Variants in DOK5 observed in about 807,000 individuals in gnomAD.
The protein encoded by DOK5 is docking protein 5.
DOK5 carries 27 observed loss-of-function variants against 43.3 expected under a neutral mutation model. The ratio of observed to expected loss-of-function variants is 0.62; its 90% CI spans 0.46 to 0.86. DOK5 has a LOEUF of 0.86. Ranked by LOEUF, DOK5 falls within the 40% of genes least tolerant of loss-of-function variation. The probability of loss-of-function intolerance (pLI) is 0.00; values close to 1 mark genes in which losing one functional copy is unlikely to be tolerated. For synonymous variants in DOK5, 146 were observed against 140.1 expected (o/e 1.04, Z -0.30); for missense variants, 373 against 392.9 (o/e 0.95, Z 0.43).
chr20:54,515,017 A>AT (rs573019374), intron 1 of DOK5, among the ~76,000 whole-genome samples: 25 of 148,614 alleles, frequency 1.7e-4, no homozygotes, highest in Non-Finnish European at 3.0e-4. Context: ...ATTAGTTATA[A>AT]TTTTTTTTTT....
intron 1 of DOK5, among the ~76,000 whole-genome samples, chr20:54,512,456 C>G (rs562634869): frequency 1.3e-5 from 2 of 151,954 alleles, no homozygotes; most frequent in Non-Finnish European, 2.9e-5. Context: ...ATTTTTTTCT[C>G]ATATTGGGGG....
intron 1 of DOK5, among the ~76,000 whole-genome samples, chr20:54,546,464 ATGTATACATGTGCCATG>A (rs372393512): frequency 1.5e-3 from 226 of 152,156 alleles, no homozygotes; most frequent in African/African-American, 5.1e-3. Flanking sequence ...TTTGTTACAT[ATGTATACATGTGCCATG>A]TTGGTGTGCT....
chr20:54,536,884 C>G lies in DOK5; in HGVS notation c.67-18049C>G, dbSNP rs796196601. On this transcript the variant is annotated intron_variant, in intron 1 of 7. Coordinates refer to ENST00000262593, the MANE Select transcript of DOK5 (RefSeq NM_018431.5). ...AGCTCAGACTCTCATCCACACCCATCAGTAACAAGTCCTCCACACCATGGT... is the reference window on the plus strand; with the variant it reads ...AGCTCAGACTCTCATCCACACCCATGAGTAACAAGTCCTCCACACCATGGT... Among the ~76,000 whole-genome samples the G allele has an allele frequency of 5.3e-5, 8 of 152,316 alleles. 1 individual carries two copies. The highest frequency in any genetic ancestry group is 1.9e-4 in the African/African-American group (8 of 41,562).
chr20:54,610,460 C>T lies in DOK5; in HGVS notation c.672C>T (p.His224=). The change falls in exon 6 of 8, where the codon CAC becomes CAT. Residue 224 remains histidine (H), a synonymous_variant. Transcript: ENST00000262593. ...GGGAGGCCATCTATCAGAAAGTCCA[C>T]TCTGCTGCCTTGGCCATAGCCGAGC... ...RDGEAIYQKV[H]SAALAIAEQH... is the part of the protein sequence containing the mutation. 1.3e-6 allele frequency: 2 copies of T among 1,592,322 alleles called. No individual in the cohort carries two copies. The highest frequency in any genetic ancestry group is 8.6e-7 in the Non-Finnish European group (1 of 1,169,496).
rs973360911 is a variant in DOK5 at position 54,610,482 on chromosome 20, G to A, written c.694G>A (p.Glu232Lys). ...KVHSAALAIA[E>K]QHERLLQSVK... Reference sequence around the variant, plus strand: ...CCACTCTGCTGCCTTGGCCATAGCCGAGCAGCACGAGCGCTTGCTACAGAG... The same window carrying A: ...CCACTCTGCTGCCTTGGCCATAGCCAAGCAGCACGAGCGCTTGCTACAGAG... Residue 232 changes from glutamate (E) to lysine (K), a missense_variant, in exon 6 of 8, where the codon GAG (glutamate) becomes AAG (lysine). Physicochemically the swap from Glu to Lys is moderately conservative, Grantham distance 56 (BLOSUM62 1). Coordinates refer to ENST00000262593, the MANE Select transcript of DOK5 (RefSeq NM_018431.5). The A allele has an allele frequency of 8.3e-6, 13 of 1,567,498 alleles. No individual in the cohort carries two copies. The highest frequency in any genetic ancestry group is 1.4e-5 in the African/African-American group (1 of 72,936).
chr20:54,550,299 A>G (rs909313662), intron 1 of DOK5, among the ~76,000 whole-genome samples: 1 of 152,212 alleles, frequency 6.6e-6, no homozygotes, highest in Non-Finnish European at 1.5e-5. Flanking sequence ...AAATTTAATT[A>G]AACATTCTAT....
chr20:54,586,130 C>A lies in DOK5; in HGVS notation c.175-2353C>A, dbSNP rs145861577. Among the ~76,000 whole-genome samples the A allele has an allele frequency of 7.9e-5, 12 of 152,194 alleles. No individual in the cohort carries two copies. The East Asian group carries it at 2.3e-3, about 29-fold the overall frequency. Reference sequence around the variant, plus strand: ...TCTCAAACAACAACAATAAACTAGGCACGTTATGTGGCATATGTGTGGGGA... The same window carrying A: ...TCTCAAACAACAACAATAAACTAGGAACGTTATGTGGCATATGTGTGGGGA... On this transcript the variant is annotated intron_variant, in intron 2 of 7. Coordinates refer to ENST00000262593, the MANE Select transcript of DOK5 (RefSeq NM_018431.5).
intron 1 of DOK5, among the ~76,000 whole-genome samples, chr20:54,486,759 C>T (rs747230723): frequency 7.2e-5 from 11 of 152,022 alleles, no homozygotes; most frequent in South Asian, 2.1e-4. Flanking sequence ...GGATAATATA[C>T]GAAAGATGAA....
intron 1 of DOK5, among the ~76,000 whole-genome samples, chr20:54,548,535 C>G (rs1267367238): frequency 6.6e-6 from 1 of 152,058 alleles, no homozygotes; most frequent in Non-Finnish European, 1.5e-5. Context: ...CTGCACCCAG[C>G]CAGGATTAAC....
At chr20:54,481,786 CT>C (rs1381337668) in intron 1 of DOK5, among the ~76,000 whole-genome samples, 2 of 152,186 alleles carry the variant, frequency 1.3e-5, no homozygotes, top group African/African-American at 4.8e-5. Flanking sequence ...AACTCACTGG[CT>C]GGTTATGTGA....
chr20:54,591,777 A>C lies in DOK5; in HGVS notation c.571A>C (p.Thr191Pro), dbSNP rs770109660. 1 of 1,612,766 alleles carries C rather than the reference A, an allele frequency of 6.2e-7. No individual in the cohort carries two copies. Among genetic ancestry groups the C allele is most frequent in the African/African-American group, 1.3e-5 (1 of 74,906 alleles). ...LSALRRYGRD[T>P]TWFTFEAGRM... Reference sequence around the variant, plus strand: ...CGCCCTGCGGCGGTATGGACGTGATACTACGTGGTTCACTTTTGAGGCAGG... The same window carrying C: ...CGCCCTGCGGCGGTATGGACGTGATCCTACGTGGTTCACTTTTGAGGCAGG... Residue 191 changes from threonine to proline, a missense_variant, in exon 5 of 8, where the codon ACT becomes CCT. Coordinates refer to ENST00000262593, the MANE Select transcript of DOK5 (RefSeq NM_018431.5).
intron 1 of DOK5, among the ~76,000 whole-genome samples, chr20:54,519,168 A>G (rs1983305416): frequency 6.6e-6 from 1 of 152,228 alleles, no homozygotes; most frequent in South Asian, 2.1e-4. Context: ...CTAATGCTCC[A>G]ACATAAGTTT....
chr20:54,636,352 T>C (rs1978823498), intron 6 of DOK5, among the ~76,000 whole-genome samples: 1 of 152,346 alleles, frequency 6.6e-6, no homozygotes, highest in African/African-American at 2.4e-5. Flanking sequence ...GATTTAGATG[T>C]AGTTTAAAAA....
At chr20:54,600,231 G>T (rs1986263663) in intron 5 of DOK5, among the ~76,000 whole-genome samples, 1 of 152,086 alleles carries the variant, frequency 6.6e-6, no homozygotes, top group African/African-American at 2.4e-5. Flanking sequence ...GATGCAGCGG[G>T]GTCAGGCCAT....
chr20:54,553,555 T>A (rs1290600521), intron 1 of DOK5, among the ~76,000 whole-genome samples: 1 of 151,378 alleles, frequency 6.6e-6, no homozygotes, highest in Non-Finnish European at 1.5e-5. Flanking sequence ...ACCAGTCGAG[T>A]ATAATAGTGC....
chr20:54,571,926 T>C (rs1252535014), intron 2 of DOK5, among the ~76,000 whole-genome samples: 1 of 152,186 alleles, frequency 6.6e-6, no homozygotes, highest in East Asian at 1.9e-4. Flanking sequence ...TGCACACGTG[T>C]AGTTTCTTTT....
At chr20:54,567,079 GTA>G (rs1449953159) in intron 2 of DOK5, among the ~76,000 whole-genome samples, 3 of 151,912 alleles carry the variant, frequency 2.0e-5, no homozygotes, top group Admixed American at 2.0e-4. Context: ...GTGTATGTGT[GTA>G]TATATATGTG....
chr20:54,526,133 G>A (rs1983566568), intron 1 of DOK5, among the ~76,000 whole-genome samples: 1 of 141,024 alleles, frequency 7.1e-6, no homozygotes, highest in Non-Finnish European at 1.5e-5. Context: ...AGTAAACCAA[G>A]ATTTTTCTTT....
Position 54,551,616 on chromosome 20 carries a change from C to G in DOK5, c.67-3317C>G, listed in dbSNP as rs151185464. On this transcript the variant is annotated intron_variant, in intron 1 of 7. Transcript: ENST00000262593. ...TTTAAGTCGACGATTTTTCCACCCC[C>G]CTCCATGGATGTCCAATTGCCTCAG... 2.7e-3 allele frequency among the ~76,000 whole-genome samples: 416 copies of G among 152,240 alleles called. 4 individuals are homozygous for G. The highest frequency in any genetic ancestry group is 9.4e-3 in the African/African-American group (390 of 41,550).
Sources: gnomAD v4.1 joint callset for allele counts (sites outside exome capture counted in the v4.1 genomes callset) on GRCh38, gnomAD v4.1.1 for gene constraint, MANE v1.5 for transcripts, NCBI Gene and HGNC (gene_info 2026-07-23, HGNC 2026-07-21) for gene names.